The following EFR3A variants were observed in gnomAD, a reference collection of about 807,000 sequenced individuals.
The protein encoded by EFR3A is EFR3 homolog A.
EFR3A carries 76 observed loss-of-function variants against 104.4 expected under a neutral mutation model. That is an observed-to-expected ratio of 0.73 (90% CI 0.60 to 0.88). The LOEUF is 0.88. EFR3A is among the 40% of genes least tolerant of loss of function. EFR3A has a pLI of 0.00. For synonymous variants in EFR3A, 330 were observed against 330.0 expected (o/e 1.00, Z 0.00); for missense variants, 985 against 1,012.5 (o/e 0.97, Z 0.37).
At chr8:131,912,597 GATCT>G (rs929614867) in intron 1 of EFR3A, among the ~76,000 whole-genome samples, 2 of 152,140 alleles carry the variant, frequency 1.3e-5, no homozygotes, top group Non-Finnish European at 2.9e-5. Flanking sequence ...CACTTTTGGG[GATCT>G]ATCCTTTTTC....
rs1822373498 is a variant in EFR3A, at chr8:132,012,108, G to A, written c.*1213G>A. Reference sequence around the variant, plus strand: ...CTTTGTAACTCATAAAATTCTCTTAGGACATTTTTATAAAGTCACCTGTTT... The same window carrying A: ...CTTTGTAACTCATAAAATTCTCTTAAGACATTTTTATAAAGTCACCTGTTT... On this transcript the variant is annotated 3_prime_UTR_variant, in exon 23 of 23. Transcript: ENST00000254624. The A allele has an allele frequency of 6.6e-6, 1 of 152,086 alleles. No individual in the cohort carries two copies. Among genetic ancestry groups the A allele is most frequent in the Non-Finnish European group, 1.5e-5 (1 of 67,996 alleles). The allele number at this position is 152,086 out of a possible 1,614,324, so 9.4% of individuals were successfully genotyped here. A position where few individuals can be genotyped will look rare whatever the true frequency, so the allele number is the denominator to read the frequency against.
intron 1 of EFR3A, among the ~76,000 whole-genome samples, chr8:131,922,726 C>A (rs1235054091): frequency 6.6e-6 from 1 of 152,138 alleles, no homozygotes; most frequent in Non-Finnish European, 1.5e-5. Context: ...CTCCCACTTT[C>A]CTGCATGTTA....
intron 10 of EFR3A, among the ~76,000 whole-genome samples, chr8:131,974,961 A>C (rs939132506): frequency 3.3e-5 from 5 of 152,260 alleles, no homozygotes; most frequent in Admixed American, 6.5e-5. Context: ...ATTGAATTTT[A>C]AGAAAGGAAC....
chr8:131,984,665 C>T (rs967113340), intron 15 of EFR3A, among the ~76,000 whole-genome samples: 1 of 151,882 alleles, frequency 6.6e-6, no homozygotes, highest in African/African-American at 2.4e-5. Context: ...TATGCAATGG[C>T]CATATATGCA....
Position 131,970,509 on chromosome 8 carries a change from T to G in EFR3A, c.1025T>G (p.Leu342Trp), listed in dbSNP as rs1303317573. 1.9e-6 allele frequency: 3 copies of G among 1,613,766 alleles called. No individual in the cohort carries two copies. In the African/African-American group the frequency reaches 4.0e-5, roughly 22 times the overall value. ...GTGCTGGAAGTCTTCAATACCCTTT[T>G]GAAACATCTGCGTCTCAGCGTTGAA... ...PTVLEVFNTL[L>W]KHLRLSVEFE... Residue 342 changes from leucine (L) to tryptophan (W), a missense_variant, in exon 10 of 23, where the codon TTG becomes TGG. Transcript: ENST00000254624.
At chr8:131,987,793 T>G in intron 18 of EFR3A, 91 bp downstream of exon 18, 1 of 1,374,002 alleles carries the variant, frequency 7.3e-7, no homozygotes, top group Non-Finnish European at 9.9e-7. Flanking sequence ...AAATTAATTC[T>G]GGTGTGTGTC....
intron 1 of EFR3A, among the ~76,000 whole-genome samples, chr8:131,934,776 C>T (rs1266184397): frequency 6.6e-6 from 1 of 151,808 alleles, no homozygotes; most frequent in African/African-American, 2.4e-5. Context: ...ACATATTTAG[C>T]TTTACTGCTG....
intron 17 of EFR3A, among the ~76,000 whole-genome samples, chr8:131,986,915 G>A (rs1396195906): frequency 6.6e-6 from 1 of 151,794 alleles, no homozygotes; most frequent in African/African-American, 2.4e-5. Flanking sequence ...AGAGAGTACA[G>A]TATCCTGTTG....
At position 131,979,397 on chromosome 8, in the gene EFR3A, A is replaced by G. The variant is rs1479820308; in HGVS notation, c.1551A>G (p.Arg517=). The G allele has an allele frequency of 3.8e-6, 6 of 1,565,022 alleles. No individual in the cohort carries two copies. The highest frequency in any genetic ancestry group is 2.4e-5 in the East Asian group (1 of 42,484). Residue 517 remains arginine, a synonymous_variant, in exon 14 of 23, where the codon AGA becomes AGG. Transcript: ENST00000254624. ...AGATAAAAAGAGAAAAAATTTGCAG[A>G]CAAGACACAAGTTTCATGAAAAAGG... ...DLKIKREKIC[R]QDTSFMKKNG...
At chr8:131,964,945 G>A (rs1432428908) in intron 8 of EFR3A, among the ~76,000 whole-genome samples, 5 of 152,114 alleles carry the variant, frequency 3.3e-5, no homozygotes, top group Non-Finnish European at 7.3e-5. Context: ...TGGCAAACCT[G>A]AGAAAAACAA....
intron 1 of EFR3A, among the ~76,000 whole-genome samples, chr8:131,933,584 T>G (rs1817725727): frequency 6.6e-6 from 1 of 152,180 alleles, no homozygotes; most frequent in Non-Finnish European, 1.5e-5. Context: ...CTGTATTTTA[T>G]TGCTCTTGTC....
chr8:131,956,796 A>C (rs546108397), intron 7 of EFR3A, among the ~76,000 whole-genome samples: 1 of 152,164 alleles, frequency 6.6e-6, no homozygotes, highest in Non-Finnish European at 1.5e-5. Context: ...TCCCACCTCC[A>C]AAATATTGAG....
At chr8:131,965,169 G>A (rs1179895680) in intron 8 of EFR3A, among the ~76,000 whole-genome samples, 1 of 152,120 alleles carries the variant, frequency 6.6e-6, no homozygotes, top group African/African-American at 2.4e-5. Context: ...AGGACTTCAT[G>A]TCTAAAACAC....
rs908030330 is a variant in EFR3A, at chr8:131,979,164, A to G, written c.1499+145A>G. ...ATTTAATTGGTATTGAGATAATTTA[A>G]TCAATATGTTTTAAGATAACAAATT... On this transcript the variant is annotated intron_variant, in intron 13 of 22. Coordinates refer to ENST00000254624, the MANE Select transcript of EFR3A (RefSeq NM_015137.6). 4.6e-6 allele frequency: 5 copies of G among 1,087,212 alleles called. No individual in the cohort carries two copies. The African/African-American group carries it at 6.4e-5, about 14-fold the overall frequency. The allele number at this position is 1,087,212 out of a possible 1,614,324, so 67.3% of individuals were successfully genotyped here.
At chr8:131,955,527 A>G (rs1002429743) in intron 6 of EFR3A, among the ~76,000 whole-genome samples, 15 of 152,294 alleles carry the variant, frequency 9.8e-5, no homozygotes, top group African/African-American at 3.6e-4. Flanking sequence ...TTTTAGTTAT[A>G]CATAAAAGAC....
chr8:131,975,409 C>A (rs1820274736), intron 10 of EFR3A, among the ~76,000 whole-genome samples: 1 of 127,412 alleles, frequency 7.8e-6, no homozygotes, highest in Non-Finnish European at 1.6e-5. Context: ...TTTTTTTTTT[C>A]CTATTTTTTT....
Position 132,013,585 on chromosome 8 carries a change from T to C in EFR3A, c.*2690T>C, listed in dbSNP as rs1226195324. ...CATAGATTATTTGTATATAAGTTCATTTTTATAGCTATTGTTACATTTAAT... is the reference window on the plus strand; with the variant it reads ...CATAGATTATTTGTATATAAGTTCACTTTTATAGCTATTGTTACATTTAAT... On this transcript the variant is annotated 3_prime_UTR_variant, in exon 23 of 23. Transcript: ENST00000254624. The C allele has an allele frequency of 6.6e-6, 1 of 152,592 alleles. No homozygotes were observed. The highest frequency in any genetic ancestry group is 1.5e-5 in the Non-Finnish European group (1 of 68,030). The allele number at this position is 152,592 out of a possible 1,614,324, so 9.5% of individuals were successfully genotyped here.
At chr8:131,966,186 T>A (rs2130683025) in intron 8 of EFR3A, among the ~76,000 whole-genome samples, 1 of 152,172 alleles carries the variant, frequency 6.6e-6, no homozygotes, top group East Asian at 1.9e-4. Flanking sequence ...ATTGTGCACA[T>A]GTACCCTAAA....
chr8:131,979,118 G>T (rs1820471345), intron 13 of EFR3A, 99 bp downstream of exon 13: 2 of 1,250,052 alleles, frequency 1.6e-6, no homozygotes, highest in Middle Eastern at 2.4e-4. Flanking sequence ...GCATGTTCAG[G>T]TTTTATTAAT....
Sources: allele counts gnomAD v4.1 joint callset (sites outside exome capture counted in the v4.1 genomes callset), GRCh38; gene constraint gnomAD v4.1.1; transcripts MANE v1.5; gene names NCBI Gene and HGNC (gene_info 2026-07-23, HGNC 2026-07-21).